The following HMGCLL1 variants were observed in gnomAD, a reference collection of about 807,000 sequenced individuals.
HMGCLL1 encodes the protein 3-hydroxy-3-methylglutaryl-CoA lyase like 1.
HMGCLL1 carries 36 observed loss-of-function variants against 39.1 expected under a neutral mutation model. The observed-to-expected ratio is 0.92, with a 90% CI of 0.71 to 1.22. The LOEUF (loss-of-function observed/expected upper bound fraction) is 1.22, where lower values mean the gene tolerates loss of function less well. Ranked by LOEUF, HMGCLL1 falls within the 50% of genes most tolerant of loss-of-function variation. HMGCLL1 has a pLI of 0.00. For missense variants in HMGCLL1, 451 were observed against 416.5 expected (o/e 1.08, Z -0.72); for synonymous variants, 149 against 144.0 (o/e 1.03, Z -0.25).
chr6:55,566,443 C>CA (rs1426162793), intron 1 of HMGCLL1: 1 of 283,586 alleles, frequency 3.5e-6, no homozygotes, highest in Non-Finnish European at 7.2e-6. Context: ...CTCTACTTCA[C>CA]AAAATCAAGG....
At chr6:55,543,706 A>C (rs964082229) in intron 1 of HMGCLL1, among the ~76,000 whole-genome samples, 1 of 150,356 alleles carries the variant, frequency 6.7e-6, no homozygotes, top group African/African-American at 2.5e-5. Flanking sequence ...AAAACAAAAA[A>C]TCAAAAATTA....
intron 7 of HMGCLL1, among the ~76,000 whole-genome samples, chr6:55,485,738 T>G (rs539146684): frequency 2.0e-5 from 3 of 151,904 alleles, no homozygotes; most frequent in Admixed American, 2.0e-4. Context: ...GAAATTAAAA[T>G]GGCATATCAA....
At chr6:55,448,487 C>T (rs941602573) in intron 7 of HMGCLL1, among the ~76,000 whole-genome samples, 25 of 151,008 alleles carry the variant, frequency 1.7e-4, no homozygotes, top group African/African-American at 5.6e-4. Flanking sequence ...AAATATATAC[C>T]ACTCATATAT....
At chr6:55,553,449 A>G (rs1357078189) in intron 1 of HMGCLL1, among the ~76,000 whole-genome samples, 2 of 152,010 alleles carry the variant, frequency 1.3e-5, no homozygotes, top group Non-Finnish European at 2.9e-5. Context: ...AAAGAAAAAA[A>G]AATGATGGTA....
chr6:55,538,538 C>A (rs1769157327), intron 3 of HMGCLL1, among the ~76,000 whole-genome samples: 1 of 152,040 alleles, frequency 6.6e-6, no homozygotes, highest in African/African-American at 2.4e-5. Context: ...AGGAAATATA[C>A]CTAGCCTAAT....
At chr6:55,455,736 ATGAG>A (rs1335581010) in intron 7 of HMGCLL1, among the ~76,000 whole-genome samples, 1 of 152,134 alleles carries the variant, frequency 6.6e-6, no homozygotes, top group African/African-American at 2.4e-5. Flanking sequence ...CCAAACACAA[ATGAG>A]TTAGCTTTCA....
chr6:55,553,206 C>T lies in HMGCLL1; in HGVS notation c.109-11066G>A, dbSNP rs377719009. 1.2e-4 allele frequency among the ~76,000 whole-genome samples: 9 copies of T among 73,494 alleles called. No homozygotes were observed. The East Asian group carries it at 1.6e-3, about 13-fold the overall frequency. 48.2% of individuals were successfully genotyped at this position (73,494 alleles called of 152,430 possible). A position where few individuals can be genotyped will look rare whatever the true frequency, so the allele number is the denominator to read the frequency against. Reference sequence around the variant, plus strand: ...ACACACACACACACACACACACATACACACACATATATGTATATATATACA... The same window carrying T: ...ACACACACACACACACACACACATATACACACATATATGTATATATATACA... On this transcript the variant is annotated intron_variant, in intron 1 of 8. Transcript: ENST00000274901.
the HMGCLL1 span, among the ~76,000 whole-genome samples, chr6:55,606,800 T>G: frequency 6.6e-6 from 1 of 152,036 alleles, no homozygotes; most frequent in African/African-American, 2.4e-5. Flanking sequence ...GGTGAGGCGA[T>G]TATCCTGGAT....
chr6:55,475,326 ACT>A (rs1765237969), intron 7 of HMGCLL1, among the ~76,000 whole-genome samples: 1 of 151,664 alleles, frequency 6.6e-6, no homozygotes, highest in East Asian at 1.9e-4. Context: ...AGAAGGTAAG[ACT>A]CACAAAATTA....
chr6:55,539,490 A>G (rs1197595395), intron 3 of HMGCLL1, among the ~76,000 whole-genome samples: 1 of 152,110 alleles, frequency 6.6e-6, no homozygotes, highest in East Asian at 1.9e-4. Flanking sequence ...CCTGTATACC[A>G]TGGAATACTA....
the HMGCLL1 span, among the ~76,000 whole-genome samples, chr6:55,605,907 C>T: frequency 3.3e-5 from 5 of 152,242 alleles, no homozygotes; most frequent in South Asian, 6.2e-4. Context: ...GATATAGGTG[C>T]TTTGTAATTT....
the HMGCLL1 span, among the ~76,000 whole-genome samples, chr6:55,646,031 T>C: frequency 2.0e-5 from 3 of 151,934 alleles, no homozygotes; most frequent in African/African-American, 7.2e-5. Flanking sequence ...TCTGGACTTT[T>C]CTTTACTGGA....
the HMGCLL1 span, among the ~76,000 whole-genome samples, chr6:55,619,957 T>G: frequency 2.0e-5 from 3 of 152,186 alleles, no homozygotes; most frequent in African/African-American, 7.2e-5. Context: ...TTTCTGTGCC[T>G]GGCTTATATC....
At chr6:55,601,634 G>A in the HMGCLL1 span, among the ~76,000 whole-genome samples, 1 of 152,046 alleles carries the variant, frequency 6.6e-6, no homozygotes, top group Non-Finnish European at 1.5e-5. Flanking sequence ...ACCACACAAG[G>A]ATTCAAGCTG....
chr6:55,462,767 T>C (rs908778149), intron 7 of HMGCLL1, among the ~76,000 whole-genome samples: 2 of 152,148 alleles, frequency 1.3e-5, no homozygotes, highest in Admixed American at 6.5e-5. Context: ...ATGTTGTAGG[T>C]ATAACTCACA....
chr6:55,515,296 T>C (rs1162474208), intron 4 of HMGCLL1, among the ~76,000 whole-genome samples: 7 of 151,712 alleles, frequency 4.6e-5, no homozygotes. Context: ...ACTTAAAAGC[T>C]ATCTTTTCAT....
intron 7 of HMGCLL1, among the ~76,000 whole-genome samples, chr6:55,461,843 G>T (rs1561894338): frequency 6.6e-6 from 1 of 152,072 alleles, no homozygotes; most frequent in Non-Finnish European, 1.5e-5. Flanking sequence ...TACCTGTGAA[G>T]AACTACTCAA....
chr6:55,610,692 A>G, the HMGCLL1 span, among the ~76,000 whole-genome samples: 2 of 152,114 alleles, frequency 1.3e-5, no homozygotes, highest in Admixed American at 1.3e-4. Flanking sequence ...GGACGCAAGT[A>G]AGATACTCTA....
At chr6:55,586,407 T>TTA in the HMGCLL1 span, among the ~76,000 whole-genome samples, 7 of 148,584 alleles carry the variant, frequency 4.7e-5, no homozygotes, top group African/African-American at 1.7e-4. Flanking sequence ...GTTTTTTTTT[T>TTA]ATTATACTTT....
Sources: allele counts gnomAD v4.1 joint callset (sites outside exome capture counted in the v4.1 genomes callset), GRCh38; gene constraint gnomAD v4.1.1; transcripts MANE v1.5; gene names NCBI Gene and HGNC (gene_info 2026-07-23, HGNC 2026-07-21).